Variants in HIVEP1 observed in about 807,000 individuals in gnomAD.
HIVEP1 encodes zinc finger protein 40.
Under a neutral mutation model 180.0 loss-of-function variants are expected in HIVEP1, and 36 were observed. That is an observed-to-expected ratio of 0.20 (90% CI 0.15 to 0.26). The LOEUF is 0.26. Among genes scored for constraint, HIVEP1 ranks in the 10% least tolerant of loss-of-function variants. HIVEP1 has a pLI of 1.00. For missense variants in HIVEP1, 3,143 were observed against 3,268.7 expected (o/e 0.96, Z 0.94); for synonymous variants, 1,239 against 1,239.0 (o/e 1.00, Z 0.00).
chr6:12,159,988 A>T (rs1417871218), intron 7 of HIVEP1, among the ~76,000 whole-genome samples: 1 of 152,220 alleles, frequency 6.6e-6, no homozygotes, highest in Non-Finnish European at 1.5e-5. Context: ...ATTAATATCT[A>T]GGCCATTTGG....
At chr6:12,075,281 C>T (rs1772276125) in intron 2 of HIVEP1, among the ~76,000 whole-genome samples, 4 of 152,222 alleles carry the variant, frequency 2.6e-5, no homozygotes, top group Non-Finnish European at 5.9e-5. Flanking sequence ...CCCTATCTCC[C>T]AATCCCCTCG....
intron 3 of HIVEP1, among the ~76,000 whole-genome samples, chr6:12,107,596 G>A (rs1317593363): frequency 6.6e-6 from 1 of 152,134 alleles, no homozygotes; most frequent in Non-Finnish European, 1.5e-5. Flanking sequence ...GGATGTGTTC[G>A]GAGTTTCTGC....
At chr6:12,116,429 C>T (rs988895884) in intron 3 of HIVEP1, among the ~76,000 whole-genome samples, 2 of 152,010 alleles carry the variant, frequency 1.3e-5, no homozygotes, top group African/African-American at 4.8e-5. Context: ...GAGGCAGGCA[C>T]CTTGCTTTCA....
the HIVEP1 span, among the ~76,000 whole-genome samples, chr6:12,200,692 C>T: frequency 6.6e-6 from 1 of 152,230 alleles, no homozygotes; most frequent in African/African-American, 2.4e-5. Flanking sequence ...GCTTCTTAGA[C>T]TTTCCACCAA....
chr6:12,195,375 T>A, the HIVEP1 span, among the ~76,000 whole-genome samples: 1 of 152,070 alleles, frequency 6.6e-6, no homozygotes, highest in Non-Finnish European at 1.5e-5. Flanking sequence ...AACAGGGAAA[T>A]GTTCTGATTT....
intron 2 of HIVEP1, among the ~76,000 whole-genome samples, chr6:12,020,890 C>CTTTTTTTTTTTTTTTTT (rs70981658): frequency 1.6e-4 from 17 of 105,772 alleles, no homozygotes; most frequent in Non-Finnish European, 2.5e-4. Flanking sequence ...TTCTTTCTTT[C>CTTTTTTTTTTTTTTTTT]TTTTTTTTTT....
At chr6:12,067,858 G>A (rs1467793172) in intron 2 of HIVEP1, among the ~76,000 whole-genome samples, 1 of 152,082 alleles carries the variant, frequency 6.6e-6, no homozygotes, top group Non-Finnish European at 1.5e-5. Flanking sequence ...TAAGATGTTA[G>A]GGTGTTTGTT....
chr6:12,055,270 C>A (rs781607889), intron 2 of HIVEP1, among the ~76,000 whole-genome samples: 4 of 152,104 alleles, frequency 2.6e-5, no homozygotes, highest in African/African-American at 7.2e-5. Context: ...GTCAGGAGAT[C>A]GAGACCATCC....
chr6:12,044,709 C>A (rs377535061), intron 2 of HIVEP1, among the ~76,000 whole-genome samples: 2 of 151,386 alleles, frequency 1.3e-5, no homozygotes, highest in South Asian at 4.2e-4. Flanking sequence ...TTCTGTCCCC[C>A]ATTCAAAGCC....
intron 2 of HIVEP1, among the ~76,000 whole-genome samples, chr6:12,049,676 G>A (rs572631324): frequency 6.6e-6 from 1 of 152,308 alleles, no homozygotes; most frequent in African/African-American, 2.4e-5. Context: ...GAAAGATGGA[G>A]GGATGATTTA....
chr6:12,199,658 A>G, the HIVEP1 span, among the ~76,000 whole-genome samples: 1 of 152,100 alleles, frequency 6.6e-6, no homozygotes, highest in Admixed American at 6.6e-5. Context: ...CTGTCAATCA[A>G]TTTTTAAAAA....
rs1757938702 is a variant in HIVEP1, at chr6:12,124,656, A to G, written c.4861A>G (p.Arg1621Gly). ...GCATCCTCTGCTACCACCAGAGCTC[A>G]GGCCCCTTGGAAGTCAGGTGCAGAA... ...NSHPLLPPEL[R>G]PLGSQVQKVP... is the part of the protein sequence containing the mutation. The change falls in exon 4 of 9, where the codon AGG becomes GGG. Residue 1621 changes from arginine (R) to glycine (G), a missense_variant. This residue lies in a region of HIVEP1 where 1,357 missense variants were observed against 1,260.5 expected (regional missense o/e 1.08). Coordinates refer to ENST00000379388, the MANE Select transcript of HIVEP1 (RefSeq NM_002114.4). The G allele has an allele frequency of 1.2e-6, 2 of 1,614,054 alleles. No homozygotes were observed. Among genetic ancestry groups the G allele is most frequent in the Admixed American group, 1.7e-5 (1 of 60,002 alleles).
intron 2 of HIVEP1, among the ~76,000 whole-genome samples, chr6:12,041,762 C>T (rs1394348504): frequency 6.6e-6 from 1 of 151,974 alleles, no homozygotes; most frequent in Non-Finnish European, 1.5e-5. Flanking sequence ...CTCCCAGGTT[C>T]AAGCAATTCT....
At chr6:12,183,290 G>T in the HIVEP1 span, among the ~76,000 whole-genome samples, 2 of 152,130 alleles carry the variant, frequency 1.3e-5, no homozygotes, top group Admixed American at 1.3e-4. Context: ...ATCCTCTGTA[G>T]TATTAATTAG....
the HIVEP1 span, among the ~76,000 whole-genome samples, chr6:12,194,501 T>A: frequency 1.3e-5 from 2 of 152,232 alleles, no homozygotes; most frequent in Non-Finnish European, 2.9e-5. Flanking sequence ...ACAAAGAGCC[T>A]ACCACAAAGG....
At chr6:12,023,091 G>T (rs1768351998) in intron 2 of HIVEP1, among the ~76,000 whole-genome samples, 2 of 152,182 alleles carry the variant, frequency 1.3e-5, no homozygotes, top group African/African-American at 4.8e-5. Flanking sequence ...TTGAAGTGAA[G>T]TGCTCTCCTT....
chr6:12,011,636 C>T (rs1033837716), upstream of HIVEP1, among the ~76,000 whole-genome samples: 8 of 148,792 alleles, frequency 5.4e-5, no homozygotes, highest in Non-Finnish European at 9.0e-5. Flanking sequence ...GCGGCTCGGC[C>T]GGGCGGGGCG....
In HIVEP1 at chr6:12,125,243, T is replaced by A; in HGVS notation, c.5448T>A (p.Asp1816Glu). 1.2e-6 allele frequency: 2 copies of A among 1,614,198 alleles called. No homozygotes were observed. Among genetic ancestry groups the A allele is most frequent in the Non-Finnish European group, 1.7e-6 (2 of 1,180,032 alleles). ...EPLDGVMLEKDVFSQPEISNE... is the reference protein window; with the variant it reads ...EPLDGVMLEKEVFSQPEISNE... ...TGGACGGTGTGATGTTGGAAAAGGA[T>A]GTTTTTTCTCAACCTGAAATTAGTA... The change falls in exon 4 of 9, where the codon GAT becomes GAA. Residue 1816 changes from aspartate to glutamate, a missense_variant. Asp to Glu is a conservative substitution (Grantham distance 45). Transcript: ENST00000379388.
chr6:12,108,548 A>G (rs566925732), intron 3 of HIVEP1, among the ~76,000 whole-genome samples: 2 of 152,332 alleles, frequency 1.3e-5, no homozygotes, highest in South Asian at 4.1e-4. Flanking sequence ...GAAGGCAGCT[A>G]ATGCCCGGCG....
Sources: allele counts gnomAD v4.1 joint callset (sites outside exome capture counted in the v4.1 genomes callset), GRCh38; gene constraint gnomAD v4.1.1; regional missense constraint gnomAD v4.1.1; transcripts MANE v1.5; gene names NCBI Gene and HGNC (gene_info 2026-07-23, HGNC 2026-07-21).